The following SCN9A variants were observed in gnomAD, a reference collection of about 807,000 sequenced individuals.
SCN9A encodes sodium channel protein type 9 subunit alpha.
Under a neutral mutation model 187.0 loss-of-function variants are expected in SCN9A, and 131 were observed. That is an observed-to-expected ratio of 0.70 (90% CI 0.61 to 0.81). SCN9A has a LOEUF of 0.81. Ranked by LOEUF, SCN9A falls within the 30% of genes least tolerant of loss-of-function variation. SCN9A has a pLI of 0.00. For missense variants in SCN9A, 2,252 were observed against 2,396.6 expected (o/e 0.94, Z 1.26); for synonymous variants, 809 against 808.6 (o/e 1.00, Z -0.01).
rs139483236 is a variant in SCN9A, at chr2:166,271,681, C to T, written c.3351+718G>A. Among the ~76,000 whole-genome samples, 97 of 152,018 alleles carry T rather than the reference C, an allele frequency of 6.4e-4. 4 individuals carry two copies. The East Asian group carries it at 0.017, about 26-fold the overall frequency. ...ACCAGCCTGGGAAACATAGTGAAAC[C>T]TTGTCTCTACAAACTTTTTTAAAAA... On this transcript the variant is annotated intron_variant, in intron 17 of 26. Transcript: ENST00000642356.
Position 166,255,118 on chromosome 2 carries a change from GGAGAGAGAGA to G in SCN9A, c.3352-3243_3352-3234del, listed in dbSNP as rs35669204. Among the ~76,000 whole-genome samples the G allele has an allele frequency of 3.4e-5, 5 of 147,650 alleles. No individual in the cohort carries two copies. The South Asian group carries it at 6.5e-4, about 19-fold the overall frequency. On this transcript the variant is annotated intron_variant, in intron 17 of 26. Coordinates refer to ENST00000642356, the MANE Select transcript of SCN9A (RefSeq NM_001365536.1). ...ATCGAGAGAGAGAAAAAGAGAGAGA[GGAGAGAGAGA>G]GAGAGAGAGAGAGAGACATATCTTT...
intron 19 of SCN9A, among the ~76,000 whole-genome samples, chr2:166,242,070 G>A (rs953316114): frequency 1.1e-4 from 17 of 152,114 alleles, no homozygotes; most frequent in Non-Finnish European, 2.4e-4. Context: ...ACTGTTGCTC[G>A]CCAGTTGGAG....
At position 166,333,293 on chromosome 2, in the gene SCN9A, G is replaced by T. The variant is rs7606274; in HGVS notation, c.-50-21487C>A. Among the ~76,000 whole-genome samples, 1,395 of 152,186 alleles carry T rather than the reference G, an allele frequency of 9.2e-3. 31 individuals carry two copies. The highest frequency in any genetic ancestry group is 0.03 in the African/African-American group (1,266 of 41,532). On this transcript the variant is annotated intron_variant, in intron 1 of 26. Transcript: ENST00000642356. ...ATTGTTTATCTAAAATAAATGATCAGTATGTAAATTAGAGATTTCTTTTCT... is the reference window on the plus strand; with the variant it reads ...ATTGTTTATCTAAAATAAATGATCATTATGTAAATTAGAGATTTCTTTTCT...
At chr2:166,297,358 C>A in intron 7 of SCN9A, among the ~76,000 whole-genome samples, 1 of 151,620 alleles carries the variant, frequency 6.6e-6, no homozygotes, top group East Asian at 1.9e-4. Flanking sequence ...CGGAAATAAC[C>A]CAAATGTCCA....
At chr2:166,288,787 A>G in intron 9 of SCN9A, 144 bp from the exon 10 acceptor site, 3 of 574,394 alleles carry the variant, frequency 5.2e-6, no homozygotes, top group South Asian at 6.4e-5. Context: ...ATCTTCATGG[A>G]AAACAAATAT....
rs866614056 is a variant in SCN9A, at chr2:166,226,632, A to G, written c.4333T>C (p.Ser1445Pro). ...ATGAACAAGTTCAAAGTGAAGAATG[A>G]CCCAAAGATGATAAAGACGACAAAA... Reference protein sequence around the residue: ...IYFVVFIIFGSFFTLNLFIGV... With the variant: ...IYFVVFIIFGPFFTLNLFIGV... Residue 1445 changes from serine to proline, a missense_variant, in exon 24 of 27, where the codon TCA (serine) becomes CCA (proline). By Grantham distance (74) the Ser-to-Pro change is moderately conservative. Around this residue, in one of 7 missense-constraint regions of SCN9A, gnomAD observed 368 missense variants for 408.6 expected, o/e 0.90. Coordinates refer to ENST00000642356, the MANE Select transcript of SCN9A (RefSeq NM_001365536.1). 6.3e-7 allele frequency: 1 copy of G among 1,591,270 alleles called. No homozygotes were observed. The highest frequency in any genetic ancestry group is 1.7e-5 in the Admixed American group (1 of 58,226).
chr2:166,319,487 C>T (rs960917267), intron 1 of SCN9A, among the ~76,000 whole-genome samples: 3 of 151,900 alleles, frequency 2.0e-5, no homozygotes, highest in Non-Finnish European at 4.4e-5. Flanking sequence ...CAAAATGAGG[C>T]ATGAACTTGA....
chr2:166,274,234 A>G (rs3935194), intron 16 of SCN9A, among the ~76,000 whole-genome samples: 2,101 of 152,272 alleles, frequency 0.014, 108 homozygotes, highest in Admixed American at 0.097. Flanking sequence ...TTCAAAAATC[A>G]TAAGTCTCTA....
intron 23 of SCN9A, 27 bp from the exon 24 acceptor site, chr2:166,226,731 A>G (rs375571970): frequency 7.3e-6 from 11 of 1,513,154 alleles, no homozygotes; most frequent in Non-Finnish European, 8.9e-6. Flanking sequence ...AGTTAGCATT[A>G]TATGGACAGT....
intron 1 of SCN9A, among the ~76,000 whole-genome samples, chr2:166,315,435 G>GA (rs1699084933): frequency 6.6e-6 from 1 of 152,072 alleles, no homozygotes; most frequent in Non-Finnish European, 1.5e-5. Flanking sequence ...TAAAGTATAT[G>GA]AAAAAAGCAG....
intron 24 of SCN9A, among the ~76,000 whole-genome samples, chr2:166,211,337 C>T (rs942838005): frequency 6.6e-6 from 1 of 152,026 alleles, no homozygotes; most frequent in Non-Finnish European, 1.5e-5. Flanking sequence ...CTTTCTCATA[C>T]AAGCAAATGC....
At chr2:166,269,058 C>T (rs1433336063) in intron 17 of SCN9A, among the ~76,000 whole-genome samples, 2 of 151,656 alleles carry the variant, frequency 1.3e-5, no homozygotes, top group Non-Finnish European at 2.9e-5. Context: ...ATTGTGCATA[C>T]CATGGAAATG....
chr2:166,343,465 C>T (rs1435726339), intron 1 of SCN9A, among the ~76,000 whole-genome samples: 2 of 152,016 alleles, frequency 1.3e-5, no homozygotes, highest in Non-Finnish European at 2.9e-5. Flanking sequence ...CAAAGTCAAG[C>T]AAGAGGGAAC....
intron 18 of SCN9A, among the ~76,000 whole-genome samples, chr2:166,251,131 A>T (rs1696017227): frequency 6.6e-6 from 1 of 152,092 alleles, no homozygotes. Context: ...TGATGTTAAG[A>T]GTCAATAGCA....
chr2:166,202,557 T>A (rs1040909038), intron 26 of SCN9A, among the ~76,000 whole-genome samples: 1 of 151,832 alleles, frequency 6.6e-6, no homozygotes, highest in African/African-American at 2.4e-5. Flanking sequence ...AAAAGACTCA[T>A]TGATATTTTC....
Position 166,204,117 on chromosome 2 carries a change from C to T in SCN9A, c.4612G>A (p.Gly1538Ser), listed in dbSNP as rs1454301443. The T allele has an allele frequency of 1.9e-6, 3 of 1,612,468 alleles. No homozygotes were observed. Among genetic ancestry groups the T allele is most frequent in the Non-Finnish European group, 2.5e-6 (3 of 1,179,072 alleles). Residue 1538 changes from glycine to serine, a missense_variant, in exon 26 of 27, where the codon GGT (glycine) becomes AGT (serine). Gly to Ser is a moderately conservative substitution (Grantham distance 56). Transcript: ENST00000642356. ...NMVTMMVEKE[G>S]QSQHMTEVLY... is the part of the protein sequence containing the mutation. Reference sequence around the variant, plus strand: ...ACTTCAGTCATATGTTGACTTTGACCCTCCTTTTCTACCATCATGGTTACC... The same window carrying T: ...ACTTCAGTCATATGTTGACTTTGACTCTCCTTTTCTACCATCATGGTTACC...
intron 20 of SCN9A, among the ~76,000 whole-genome samples, chr2:166,236,129 TTTC>T (rs1695308604): frequency 6.6e-6 from 1 of 152,112 alleles, no homozygotes. Context: ...CCTTCTATAA[TTTC>T]TTCTTATTTG....
In SCN9A at chr2:166,222,855, C is replaced by T. The variant is rs1251533307; in HGVS notation, c.4398+3712G>A. 2.7e-4 allele frequency among the ~76,000 whole-genome samples: 34 copies of T among 127,168 alleles called. 1 individual carries two copies. Among genetic ancestry groups the T allele is most frequent in the African/African-American group, 9.7e-4 (31 of 31,844 alleles). The allele number at this position is 127,168 out of a possible 152,430, so 83.4% of individuals were successfully genotyped here. A position where few individuals can be genotyped will look rare whatever the true frequency, so the allele number is the denominator to read the frequency against. ...CTGAGGCAGGAGAATGGCGTGAACC[C>T]GGGAGGCGGAGCTTGCAGTGAGTCG... On this transcript the variant is annotated intron_variant, in intron 24 of 26. Transcript: ENST00000642356.
rs561858372 is a variant in SCN9A, at chr2:166,332,006, G to A, written c.-50-20200C>T. ...GGAATTCAGAGCCTTGACACCTGCC[G>A]TGGAAAGCTAAAGTGACTAAAGTGA... On this transcript the variant is annotated intron_variant, in intron 1 of 26. Transcript: ENST00000642356. Among the ~76,000 whole-genome samples, 9 of 152,146 alleles carry A rather than the reference G, an allele frequency of 5.9e-5. 1 individual carries two copies. Among genetic ancestry groups the A allele is most frequent in the African/African-American group, 1.4e-4 (6 of 41,516 alleles).
Sources: allele counts gnomAD v4.1 joint callset (sites outside exome capture counted in the v4.1 genomes callset), GRCh38; gene constraint gnomAD v4.1.1; regional missense constraint gnomAD v4.1.1; transcripts MANE v1.5; gene names NCBI Gene and HGNC (gene_info 2026-07-23, HGNC 2026-07-21).